RAB38: variants seen among roughly 807,000 people sequenced by gnomAD.
The protein encoded by RAB38 is ras-related protein Rab-38.
In RAB38, 15 loss-of-function variants were observed where a neutral mutation model predicts 18.4. The observed-to-expected ratio is 0.82, with a 90% CI of 0.55 to 1.26. RAB38 has a LOEUF of 1.26. RAB38 is among the 50% of genes most tolerant of loss of function. RAB38 has a pLI of 0.00. For missense variants in RAB38, 294 were observed against 267.4 expected, an observed-to-expected ratio of 1.10 and a Z score of -0.69; for synonymous variants, 101 against 104.4, an observed-to-expected ratio of 0.97 and a Z score of 0.20.
the RAB38 span, among the ~76,000 whole-genome samples, chr11:87,892,343 T>C: frequency 8.6e-5 from 13 of 151,870 alleles, no homozygotes; most frequent in African/African-American, 3.1e-4. Flanking sequence ...CTGAAAAATA[T>C]AGATCCTTTC....
At chr11:87,976,655 T>TATATATAATGTTATATGATATATGA in the RAB38 span, among the ~76,000 whole-genome samples, 1 of 22,516 alleles carries the variant, frequency 4.4e-5, no homozygotes, top group Non-Finnish European at 8.8e-5. Context: ...GATATATAAA[T>TATATATAATGTTATATGATATATGA]ATATATAATT....
the RAB38 span, among the ~76,000 whole-genome samples, chr11:87,877,806 T>A: frequency 5.3e-5 from 8 of 151,280 alleles, no homozygotes; most frequent in African/African-American, 1.9e-4. Context: ...CATTTAAGCC[T>A]ACTTTACTAT....
chr11:87,867,889 G>C, the RAB38 span, among the ~76,000 whole-genome samples: 1 of 151,668 alleles, frequency 6.6e-6, no homozygotes, highest in Admixed American at 6.6e-5. Context: ...AAACGGCAGA[G>C]ATAAGATCCA....
the RAB38 span, among the ~76,000 whole-genome samples, chr11:87,860,908 A>G: frequency 1.5e-4 from 23 of 151,900 alleles, no homozygotes; most frequent in African/African-American, 4.6e-4. Flanking sequence ...TATATGTTTT[A>G]TAAGGCCGAG....
the RAB38 span, among the ~76,000 whole-genome samples, chr11:87,855,907 T>G: frequency 6.6e-6 from 1 of 152,180 alleles, no homozygotes; most frequent in African/African-American, 2.4e-5. Context: ...CTTTTTATGC[T>G]CCCTATACGG....
the RAB38 span, among the ~76,000 whole-genome samples, chr11:87,893,283 ATT>A: frequency 4.5e-5 from 2 of 44,090 alleles, no homozygotes; most frequent in East Asian, 1.6e-3. Flanking sequence ...TTTTTTCCAG[ATT>A]TTGTGTGTGT....
At chr11:87,837,680 G>A in the RAB38 span, among the ~76,000 whole-genome samples, 13 of 152,072 alleles carry the variant, frequency 8.5e-5, no homozygotes, top group Non-Finnish European at 1.8e-4. Flanking sequence ...TTTATACATA[G>A]GCTATCTATG....
At chr11:88,104,881 A>G in the RAB38 span, among the ~76,000 whole-genome samples, 1 of 152,088 alleles carries the variant, frequency 6.6e-6, no homozygotes, top group African/African-American at 2.4e-5. Context: ...ACTCTTCTCA[A>G]AATTAATCAG....
At chr11:87,916,077 A>T in the RAB38 span, among the ~76,000 whole-genome samples, 21 of 152,212 alleles carry the variant, frequency 1.4e-4, no homozygotes, top group East Asian at 3.3e-3. Flanking sequence ...TTTATTTTAC[A>T]CTCAAAACTG....
At chr11:87,907,946 A>G in the RAB38 span, among the ~76,000 whole-genome samples, 7 of 151,798 alleles carry the variant, frequency 4.6e-5, no homozygotes, top group Non-Finnish European at 5.9e-5. Flanking sequence ...TATAGTATAA[A>G]TATACTATTA....
At chr11:88,053,267 T>C in the RAB38 span, among the ~76,000 whole-genome samples, 1 of 128,484 alleles carries the variant, frequency 7.8e-6, no homozygotes, top group South Asian at 2.3e-4. Context: ...AATATATATA[T>C]ACACACACAT....
intron 2 of RAB38, among the ~76,000 whole-genome samples, chr11:88,137,648 A>T (rs980304703): frequency 6.6e-6 from 1 of 152,204 alleles, no homozygotes; most frequent in African/African-American, 2.4e-5. Flanking sequence ...GAAGAAAATT[A>T]TCAAAGAAAT....
intron 1 of RAB38, among the ~76,000 whole-genome samples, chr11:88,168,687 T>C (rs771294016): frequency 2.7e-4 from 41 of 151,964 alleles, no homozygotes; most frequent in Non-Finnish European, 5.3e-4. Flanking sequence ...TAAAATGCAG[T>C]AAAATAAAAC....
At chr11:88,080,001 T>A in the RAB38 span, among the ~76,000 whole-genome samples, 2 of 151,736 alleles carry the variant, frequency 1.3e-5, no homozygotes, top group Non-Finnish European at 2.9e-5. Flanking sequence ...GAATATATAC[T>A]ATCATTATTT....
the RAB38 span, among the ~76,000 whole-genome samples, chr11:87,937,289 C>G: frequency 7.7e-6 from 1 of 130,430 alleles, no homozygotes; most frequent in African/African-American, 3.0e-5. Flanking sequence ...TTGCATTCCT[C>G]AAATAACTTT....
At chr11:88,126,219 G>A (rs1175186727) in intron 2 of RAB38, among the ~76,000 whole-genome samples, 1 of 152,080 alleles carries the variant, frequency 6.6e-6, no homozygotes, top group Non-Finnish European at 1.5e-5. Context: ...GGTTCCATAT[G>A]AACTTTAAAG....
the RAB38 span, among the ~76,000 whole-genome samples, chr11:87,972,919 T>A: frequency 6.6e-6 from 1 of 151,958 alleles, no homozygotes; most frequent in Non-Finnish European, 1.5e-5. Flanking sequence ...GTTCTTATGA[T>A]AATGAATGAA....
chr11:87,976,673 A>G, the RAB38 span, among the ~76,000 whole-genome samples: 3 of 110,862 alleles, frequency 2.7e-5, no homozygotes, highest in Non-Finnish European at 5.1e-5. Flanking sequence ...ATTTTATATG[A>G]TATATATTTA....
the RAB38 span, among the ~76,000 whole-genome samples, chr11:87,890,163 C>T: frequency 2.0e-5 from 3 of 151,716 alleles, no homozygotes; most frequent in Admixed American, 2.0e-4. Context: ...CTAATAAAAT[C>T]TGAAAAACTA....
Sources: gnomAD v4.1 joint callset for allele counts (sites outside exome capture counted in the v4.1 genomes callset) on GRCh38, gnomAD v4.1.1 for gene constraint, MANE v1.5 for transcripts, NCBI Gene and HGNC (gene_info 2026-07-23, HGNC 2026-07-21) for gene names.